The following ZNF518B variants were observed in gnomAD, a reference collection of about 807,000 sequenced individuals.
ZNF518B encodes zinc finger protein 518B.
A neutral mutation model predicts 56.3 loss-of-function variants in ZNF518B; 23 were observed. The ratio of observed to expected loss-of-function variants is 0.41; its 90% confidence interval spans 0.29 to 0.58. The LOEUF is 0.58. Among genes scored for constraint, ZNF518B ranks in the 20% least tolerant of loss-of-function variants. The probability of loss-of-function intolerance (pLI) is 0.32; values close to 1 mark genes in which losing one functional copy is unlikely to be tolerated. For missense variants in ZNF518B, 1,460 were observed against 1,272.1 expected (o/e 1.15, Z -2.25); for synonymous variants, 529 against 465.9 (o/e 1.14, Z -1.74).
upstream of ZNF518B, among the ~76,000 whole-genome samples, chr4:10,460,304 C>CA (rs1210892613): frequency 2.9e-3 from 25 of 8,718 alleles, 1 homozygote; most frequent in African/African-American, 9.0e-3. Flanking sequence ...GACTCTGTCT[C>CA]AAAAAAAAAA....
Position 10,442,860 on chromosome 4 carries a change from A to T in ZNF518B, c.*244T>A. 2.2e-6 allele frequency: 1 copy of T among 447,040 alleles called. No individual in the cohort carries two copies. Among genetic ancestry groups the T allele is most frequent in the Non-Finnish European group, 4.0e-6 (1 of 252,718 alleles). 27.7% of individuals were successfully genotyped at this position (447,040 alleles called of 1,614,324 possible). The stretch of plus-strand genomic sequence containing the variant: ...CCACTGAAAATCTGTTCAGTTTCAC[A>T]GGCTCTCTCCAGAAAAATGCATATG... On this transcript the variant is annotated 3_prime_UTR_variant, in exon 3 of 3. Transcript: ENST00000326756.
chr4:10,455,450 G>A (rs1171239027), intron 1 of ZNF518B, among the ~76,000 whole-genome samples: 1 of 152,174 alleles, frequency 6.6e-6, no homozygotes, highest in African/African-American at 2.4e-5. Flanking sequence ...GGCCAAGGAA[G>A]GCACTCAATA....
chr4:10,455,916 G>C (rs535030264), intron 1 of ZNF518B, among the ~76,000 whole-genome samples: 2 of 152,288 alleles, frequency 1.3e-5, no homozygotes, highest in South Asian at 4.1e-4. Flanking sequence ...TATAACATTG[G>C]TTTCTAAAAC....
Position 10,445,977 on chromosome 4 carries a change from A to G in ZNF518B, c.352T>C (p.Ser118Pro), listed in dbSNP as rs781034362. Reference sequence around the variant, plus strand: ...TTAAATTTGCTATTGACAGAACTTGAGAAGTTTTCAGTTTTATTTCCAACA... The same window carrying G: ...TTAAATTTGCTATTGACAGAACTTGGGAAGTTTTCAGTTTTATTTCCAACA... ...THVGNKTENFSSSVNSKFKVR... is the reference protein window; with the variant it reads ...THVGNKTENFPSSVNSKFKVR... Residue 118 changes from serine to proline, a missense_variant, in exon 3 of 3, where the codon TCA becomes CCA. Coordinates refer to ENST00000326756, the MANE Select transcript of ZNF518B (RefSeq NM_053042.3). The G allele has an allele frequency of 4.3e-6, 7 of 1,614,216 alleles. No homozygotes were observed. The highest frequency in any genetic ancestry group is 1.6e-4 in the Middle Eastern group (1 of 6,062).
At chr4:10,455,698 T>C (rs1485830880) in intron 1 of ZNF518B, among the ~76,000 whole-genome samples, 2 of 152,188 alleles carry the variant, frequency 1.3e-5, no homozygotes, top group East Asian at 3.9e-4. Context: ...AATAAAGGAA[T>C]GCCATCCTTT....
Position 10,443,366 on chromosome 4 carries a change from T to C in ZNF518B, c.2963A>G (p.His988Arg). Residue 988 changes from histidine (H) to arginine (R), a missense_variant, in exon 3 of 3, where the codon CAT becomes CGT. Transcript: ENST00000326756. ...ATTCTGGTAGGTCAGGCGTACATGA[T>C]GCCGTCTGATGCCTAGCTGACACCT... The part of the protein sequence containing the change: ...RTRCQLGIRR[H>R]HVRLTYQNAE... 1.9e-6 allele frequency: 3 copies of C among 1,614,274 alleles called. No individual in the cohort carries two copies. Among genetic ancestry groups the C allele is most frequent in the South Asian group, 1.1e-5 (1 of 91,084 alleles).
intron 2 of ZNF518B, among the ~76,000 whole-genome samples, chr4:10,447,634 T>C (rs1475467974): frequency 3.4e-5 from 5 of 147,308 alleles, no homozygotes; most frequent in African/African-American, 1.3e-4. Flanking sequence ...CACTCCAATA[T>C]ACACAGAGTG....
chr4:10,461,330 G>A (rs967929253), upstream of ZNF518B, among the ~76,000 whole-genome samples: 1 of 152,198 alleles, frequency 6.6e-6, no homozygotes, highest in Admixed American at 6.5e-5. Context: ...CAGCTCGGCC[G>A]CCGCGGCTGC....
At position 10,441,620 on chromosome 4, in the gene ZNF518B, T is replaced by C. The variant is rs1714684815; in HGVS notation, c.*1484A>G. On this transcript the variant is annotated 3_prime_UTR_variant, in exon 3 of 3. Coordinates refer to ENST00000326756, the MANE Select transcript of ZNF518B (RefSeq NM_053042.3). ...GGCTGCCTCGGGGTTGTGCCATCTG[T>C]GCTCTACCTGGAAGGTCAGCGCCCA... 1.3e-5 allele frequency: 2 copies of C among 152,610 alleles called. No individual in the cohort carries two copies. The highest frequency in any genetic ancestry group is 4.8e-5 in the African/African-American group (2 of 41,458). The allele number at this position is 152,610 out of a possible 1,614,324, so 9.5% of individuals were successfully genotyped here.
chr4:10,459,134 G>T (rs574183805), upstream of ZNF518B, among the ~76,000 whole-genome samples: 3 of 152,214 alleles, frequency 2.0e-5, no homozygotes, highest in South Asian at 4.1e-4. Flanking sequence ...TCCTCCCAAG[G>T]GGGTTGTCAA....
intron 2 of ZNF518B, among the ~76,000 whole-genome samples, chr4:10,449,439 T>A (rs1715206475): frequency 6.6e-6 from 1 of 152,166 alleles, no homozygotes; most frequent in African/African-American, 2.4e-5. Context: ...AATATCGCCA[T>A]AAACAAAAAA....
At position 10,446,156 on chromosome 4, in the gene ZNF518B, G is replaced by T. The variant is rs1715040913; in HGVS notation, c.173C>A (p.Ala58Asp). 4 of 1,614,176 alleles carry T rather than the reference G, an allele frequency of 2.5e-6. No individual in the cohort carries two copies. The highest frequency in any genetic ancestry group is 1.3e-5 in the African/African-American group (1 of 75,040). Residue 58 changes from alanine to aspartate, a missense_variant, in exon 3 of 3, where the codon GCT (alanine) becomes GAT (aspartate). Transcript: ENST00000326756. ...AACACTTTTGCACTTTGCACATGTA[G>T]CAATGGTCATCATGGCAGCCTCTGC... Reference protein sequence around the residue: ...SEAEAAMMTIATCAKCKSVHK... With the variant: ...SEAEAAMMTIDTCAKCKSVHK...
At chr4:10,456,071 C>T (rs1715512858) in intron 1 of ZNF518B, among the ~76,000 whole-genome samples, 1 of 152,136 alleles carries the variant, frequency 6.6e-6, no homozygotes, top group African/African-American at 2.4e-5. Flanking sequence ...TCTAGAGACC[C>T]AGGTTTGTCT....
rs1714607770 is a variant in ZNF518B at position 10,440,165 on chromosome 4, T to C, written c.*2939A>G. 6.6e-6 allele frequency: 1 copy of C among 152,298 alleles called. No homozygotes were observed. The highest frequency in any genetic ancestry group is 2.1e-4 in the South Asian group (1 of 4,832). The allele number at this position is 152,298 out of a possible 1,614,324, so 9.4% of individuals were successfully genotyped here. On this transcript the variant is annotated 3_prime_UTR_variant, in exon 3 of 3. Coordinates refer to ENST00000326756, the MANE Select transcript of ZNF518B (RefSeq NM_053042.3). ...AAAAGGGATGGAGCTTGTGAGAAAATATATTTTGTTCAGTCTAGTTCAACA... is the reference window on the plus strand; with the variant it reads ...AAAAGGGATGGAGCTTGTGAGAAAACATATTTTGTTCAGTCTAGTTCAACA...
Position 10,445,635 on chromosome 4 carries a change from T to G in ZNF518B, c.694A>C (p.Arg232=), listed in dbSNP as rs1228789691. 6.2e-7 allele frequency: 1 copy of G among 1,614,134 alleles called. No individual in the cohort carries two copies. Among genetic ancestry groups the G allele is most frequent in the East Asian group, 2.2e-5 (1 of 44,890 alleles). The change falls in exon 3 of 3, where the codon AGA becomes CGA. Residue 232 remains arginine (R), a synonymous_variant. Transcript: ENST00000326756. ...VKAVAKLEPK[R]TGTSKQNPEL... ...GGGTTTTGTTTTGAAGTTCCGGTTC[T>G]TTTTGGCTCCAGCTTGGCAACAGCT... is the stretch of plus-strand genomic sequence containing the variant.
At chr4:10,448,061 T>C (rs559017564) in intron 2 of ZNF518B, among the ~76,000 whole-genome samples, 1 of 152,370 alleles carries the variant, frequency 6.6e-6, no homozygotes, top group South Asian at 2.1e-4. Flanking sequence ...CTTTCTTTCA[T>C]GACTTAAGAA....
In ZNF518B at chr4:10,444,579, A is replaced by C. The variant is rs1160065052; in HGVS notation, c.1750T>G (p.Ser584Ala). Residue 584 changes from serine (S) to alanine (A), a missense_variant, in exon 3 of 3, where the codon TCA becomes GCA. Coordinates refer to ENST00000326756, the MANE Select transcript of ZNF518B (RefSeq NM_053042.3). ...DNQTEEHKAVSTVGQISSQHK... is the reference protein window; with the variant it reads ...DNQTEEHKAVATVGQISSQHK... ...TGAGAGGAAATCTGGCCTACAGTTGAAACTGCCTTGTGTTCCTCTGTCTGG... is the reference window on the plus strand; with the variant it reads ...TGAGAGGAAATCTGGCCTACAGTTGCAACTGCCTTGTGTTCCTCTGTCTGG... 1 of 1,614,166 alleles carries C rather than the reference A, an allele frequency of 6.2e-7. No homozygotes were observed. Among genetic ancestry groups the C allele is most frequent in the South Asian group, 1.1e-5 (1 of 91,086 alleles).
chr4:10,445,000 T>C lies in ZNF518B; in HGVS notation c.1329A>G (p.Pro443=). ...TTCCATTGTTGTGCACACTAGAATT[T>C]GGCATAATAAAATCATAAGACCTTA... is the stretch of plus-strand genomic sequence containing the variant. The part of the protein sequence containing the change: ...KWVRSYDFIM[P]NSSVHNNGKS... The change falls in exon 3 of 3, where the codon CCA becomes CCG. Residue 443 remains proline (P), a synonymous_variant. Coordinates refer to ENST00000326756, the MANE Select transcript of ZNF518B (RefSeq NM_053042.3). 1 of 1,614,218 alleles carries C rather than the reference T, an allele frequency of 6.2e-7. No individual in the cohort carries two copies. Among genetic ancestry groups the C allele is most frequent in the Non-Finnish European group, 8.5e-7 (1 of 1,180,036 alleles).
At chr4:10,449,714 T>C (rs1357032228) in intron 2 of ZNF518B, among the ~76,000 whole-genome samples, 1 of 152,208 alleles carries the variant, frequency 6.6e-6, no homozygotes, top group Non-Finnish European at 1.5e-5. Context: ...GTAATACTAG[T>C]GTGTGAGAAA....
Sources: allele counts gnomAD v4.1 joint callset (sites outside exome capture counted in the v4.1 genomes callset), GRCh38; gene constraint gnomAD v4.1.1; transcripts MANE v1.5; gene names NCBI Gene and HGNC (gene_info 2026-07-23, HGNC 2026-07-21).